TUSC3: variants seen among roughly 807,000 people sequenced by gnomAD.
The protein encoded by TUSC3 is tumor suppressor candidate 3.
TUSC3 carries 45 observed loss-of-function variants against 44.8 expected under a neutral mutation model. That is an observed-to-expected ratio of 1.00 (90% CI 0.79 to 1.29). TUSC3 has a LOEUF of 1.29. Ranked by LOEUF, TUSC3 falls within the 50% of genes most tolerant of loss-of-function variation. TUSC3 has a pLI of 0.00. For synonymous variants in TUSC3, 212 were observed against 152.9 expected (o/e 1.39, Z -2.85); for missense variants, 519 against 437.9 (o/e 1.19, Z -1.65).
At chr8:15,700,817 T>A (rs999518008) in intron 6 of TUSC3, among the ~76,000 whole-genome samples, 7 of 147,574 alleles carry the variant, frequency 4.7e-5, no homozygotes, top group Non-Finnish European at 1.0e-4. Context: ...TTGTCCCTTT[T>A]CTGGTCCTTT....
At chr8:15,725,267 C>T (rs1810455270) in intron 6 of TUSC3, among the ~76,000 whole-genome samples, 1 of 152,018 alleles carries the variant, frequency 6.6e-6, no homozygotes, top group African/African-American at 2.4e-5. Flanking sequence ...TATTTTCTGG[C>T]ATATATGTAT....
chr8:15,810,684 C>T, the TUSC3 span, among the ~76,000 whole-genome samples: 1 of 152,036 alleles, frequency 6.6e-6, no homozygotes, highest in Non-Finnish European at 1.5e-5. Flanking sequence ...TATTTTATCC[C>T]CAAATATATT....
At chr8:15,530,576 G>C (rs1338507312) in intron 2 of TUSC3, among the ~76,000 whole-genome samples, 1 of 152,168 alleles carries the variant, frequency 6.6e-6, no homozygotes, top group Non-Finnish European at 1.5e-5. Flanking sequence ...AAGGAATGCA[G>C]CTCCAGGGCT....
the TUSC3 span, among the ~76,000 whole-genome samples, chr8:15,801,135 A>G: frequency 6.6e-6 from 1 of 152,198 alleles, no homozygotes; most frequent in Non-Finnish European, 1.5e-5. Flanking sequence ...CAGAGCACCC[A>G]CAAGGGTTGC....
chr8:15,694,291 A>T (rs1395158541), intron 6 of TUSC3, among the ~76,000 whole-genome samples: 1 of 152,018 alleles, frequency 6.6e-6, no homozygotes, highest in African/African-American at 2.4e-5. Flanking sequence ...GAAAATACAA[A>T]ATTAGCCAAG....
intron 7 of TUSC3, among the ~76,000 whole-genome samples, chr8:15,732,314 T>C (rs1378105786): frequency 2.0e-5 from 3 of 152,264 alleles, no homozygotes; most frequent in East Asian, 1.9e-4. Flanking sequence ...TCCCATGATG[T>C]TCTCATGATA....
chr8:15,484,017 A>G lies in TUSC3; in HGVS notation n.189+534A>G, dbSNP rs372243292. Among the ~76,000 whole-genome samples the G allele has an allele frequency of 5.7e-4, 87 of 152,130 alleles. 1 individual carries two copies. The South Asian group carries it at 0.017, about 29-fold the overall frequency. ...AAATGTTGAGGTAATTGACATTGCTATGTGTTCTCTTTTTCTCTCCCACCG... is the reference window on the plus strand; with the variant it reads ...AAATGTTGAGGTAATTGACATTGCTGTGTGTTCTCTTTTTCTCTCCCACCG... On this transcript the variant is annotated intron_variant and non_coding_transcript_variant, in intron 2 of 5. Coordinates refer to the TUSC3 transcript ENST00000503191.
At position 15,462,257 on chromosome 8, in the gene TUSC3, G is replaced by A. The variant is rs78194331; in HGVS notation, n.92-21129G>A. 3.6e-4 allele frequency among the ~76,000 whole-genome samples: 54 copies of A among 152,072 alleles called. No homozygotes were observed. The East Asian group carries it at 8.9e-3, about 25-fold the overall frequency. On this transcript the variant is annotated intron_variant and non_coding_transcript_variant, in intron 1 of 5. Transcript: ENST00000503191. ...ATTCTATGTGGCAGAGAATTTTGACGAATTATTTGACGAGTGACTTTTATC... is the reference window on the plus strand; with the variant it reads ...ATTCTATGTGGCAGAGAATTTTGACAAATTATTTGACGAGTGACTTTTATC...
chr8:15,533,152 C>T (rs1156442395), intron 2 of TUSC3, among the ~76,000 whole-genome samples: 1 of 152,136 alleles, frequency 6.6e-6, no homozygotes, highest in Non-Finnish European at 1.5e-5. Flanking sequence ...TACGTGCCAC[C>T]ATCCACGTAA....
chr8:15,509,722 C>T (rs1030203428), intron 2 of TUSC3, among the ~76,000 whole-genome samples: 4 of 152,162 alleles, frequency 2.6e-5, no homozygotes, highest in African/African-American at 9.7e-5. Context: ...TTTACCTATT[C>T]ATCTCTAAAT....
the TUSC3 span, among the ~76,000 whole-genome samples, chr8:15,843,203 G>A: frequency 6.6e-6 from 1 of 152,036 alleles, no homozygotes; most frequent in African/African-American, 2.4e-5. Context: ...CTTTATTTAT[G>A]GCAAACACAC....
intron 1 of TUSC3, among the ~76,000 whole-genome samples, chr8:15,434,879 G>A (rs1799926059): frequency 6.6e-6 from 1 of 151,872 alleles, no homozygotes; most frequent in Admixed American, 6.6e-5. Context: ...CATTTTTTAT[G>A]GCTGCATAGT....
chr8:15,790,001 T>A, the TUSC3 span, among the ~76,000 whole-genome samples: 1 of 151,990 alleles, frequency 6.6e-6, no homozygotes, highest in Admixed American at 6.6e-5. Flanking sequence ...CAGGGCTAAC[T>A]CCTAGGCAGT....
At chr8:15,843,641 T>C in the TUSC3 span, among the ~76,000 whole-genome samples, 1 of 145,822 alleles carries the variant, frequency 6.9e-6, no homozygotes, top group Non-Finnish European at 1.5e-5. Flanking sequence ...TACACATATA[T>C]ACATCTATAT....
At chr8:15,491,063 T>C (rs567467509) in intron 2 of TUSC3, among the ~76,000 whole-genome samples, 19 of 152,280 alleles carry the variant, frequency 1.2e-4, no homozygotes, top group Middle Eastern at 3.4e-3. Context: ...ATTTTACATA[T>C]GAGAAGGGGG....
the TUSC3 span, among the ~76,000 whole-genome samples, chr8:15,838,220 C>T: frequency 1.1e-4 from 16 of 152,224 alleles, no homozygotes; most frequent in African/African-American, 2.2e-4. Context: ...TTAGCACCTC[C>T]GGATATATCA....
At chr8:15,563,281 C>G (rs565412082) in intron 1 of TUSC3, among the ~76,000 whole-genome samples, 1 of 152,120 alleles carries the variant, frequency 6.6e-6, no homozygotes, top group African/African-American at 2.4e-5. Flanking sequence ...GAAGGTGAAT[C>G]TCTATGTCTC....
chr8:15,617,140 T>TGTGTGTGTGTGTA (rs1563136021), intron 1 of TUSC3, among the ~76,000 whole-genome samples: 91 of 8,142 alleles, frequency 0.011, no homozygotes, highest in African/African-American at 0.017. Context: ...GTGTATATAT[T>TGTGTGTGTGTGTA]TTTTTTTTTT....
In TUSC3 at chr8:15,623,068, G is replaced by A; in HGVS notation, c.139-12G>A. On this transcript the variant is annotated splice_polypyrimidine_tract_variant and intron_variant, in intron 1 of 10. Transcript: ENST00000503731. ...ACTCTTTGTAAATGTTAATTTCTGT[G>A]TTTAATTGCAGAATCTTTTAGCTGA... is the stretch of plus-strand genomic sequence containing the variant. 1 of 1,613,058 alleles carries A rather than the reference G, an allele frequency of 6.2e-7. No individual in the cohort carries two copies. The highest frequency in any genetic ancestry group is 8.5e-7 in the Non-Finnish European group (1 of 1,179,406).
Sources: gnomAD v4.1 joint callset for allele counts (sites outside exome capture counted in the v4.1 genomes callset) on GRCh38, gnomAD v4.1.1 for gene constraint, MANE v1.5 for transcripts, NCBI Gene and HGNC (gene_info 2026-07-23, HGNC 2026-07-21) for gene names.